RBFOX1: variants seen among roughly 807,000 people sequenced by gnomAD.
RBFOX1 encodes RNA binding fox-1 homolog 1.
In RBFOX1, 8 loss-of-function variants were observed where a neutral mutation model predicts 57.7. That is an observed-to-expected ratio of 0.14 (90% CI 0.08 to 0.25). RBFOX1 has a LOEUF of 0.25. Among genes scored for constraint, RBFOX1 ranks in the 10% least tolerant of loss-of-function variants. RBFOX1 has a pLI of 1.00. For synonymous variants in RBFOX1, 326 were observed against 222.4 expected (o/e 1.47, Z -4.15); for missense variants, 611 against 548.5 (o/e 1.11, Z -1.14).
chr16:7,287,543 G>C (rs910738180), intron 4 of RBFOX1, among the ~76,000 whole-genome samples: 1 of 152,220 alleles, frequency 6.6e-6, no homozygotes, highest in Non-Finnish European at 1.5e-5. Context: ...TAATAGGCAA[G>C]AAGTGTTTTC....
chr16:6,645,944 G>T (rs951119484), intron 2 of RBFOX1, among the ~76,000 whole-genome samples: 1 of 152,158 alleles, frequency 6.6e-6, no homozygotes, highest in East Asian at 1.9e-4. Context: ...AACCCTAGCA[G>T]TGTGATTCTG....
At chr16:7,196,712 G>A (rs1000842007) in intron 4 of RBFOX1, among the ~76,000 whole-genome samples, 2 of 152,174 alleles carry the variant, frequency 1.3e-5, no homozygotes, top group African/African-American at 4.8e-5. Flanking sequence ...CAGAGGGTCA[G>A]GAGTCATGCT....
intron 2 of RBFOX1, among the ~76,000 whole-genome samples, chr16:6,368,803 G>A (rs189863402): frequency 9.2e-5 from 14 of 152,314 alleles, no homozygotes; most frequent in Admixed American, 7.8e-4. Flanking sequence ...AATGTTGGTA[G>A]TAACATGGCT....
intron 1 of RBFOX1, among the ~76,000 whole-genome samples, chr16:6,132,165 A>G (rs1295081197): frequency 6.6e-6 from 1 of 152,166 alleles, no homozygotes; most frequent in Non-Finnish European, 1.5e-5. Flanking sequence ...CTTTTTCCCC[A>G]TGGGTGGTAT....
intron 2 of RBFOX1, among the ~76,000 whole-genome samples, chr16:6,323,851 C>T (rs1240334993): frequency 6.6e-6 from 1 of 152,048 alleles, no homozygotes; most frequent in Non-Finnish European, 1.5e-5. Flanking sequence ...CTGCTCACTG[C>T]AACCTACATC....
At chr16:5,702,104 A>G (rs1440722009) in intron 3 of RBFOX1, among the ~76,000 whole-genome samples, 1 of 152,138 alleles carries the variant, frequency 6.6e-6, no homozygotes, top group East Asian at 1.9e-4. Context: ...AGTCTTCTGT[A>G]TTTATCCCAT....
chr16:7,424,757 C>A (rs1568824448), intron 4 of RBFOX1, among the ~76,000 whole-genome samples: 1 of 152,136 alleles, frequency 6.6e-6, no homozygotes. Flanking sequence ...ATCCTAAAAG[C>A]AAGCAAACAA....
rs139587550 is a variant in RBFOX1, at chr16:6,914,257, C to T, written c.-15-137800C>T. On this transcript the variant is annotated intron_variant, in intron 3 of 15. Coordinates refer to ENST00000550418, the MANE Select transcript of RBFOX1 (RefSeq NM_018723.4). ...GGAATGTTTGCTGTGTATTGCAGTA[C>T]GAAAGCAAAAGAAAATAATCATTAT... Among the ~76,000 whole-genome samples the T allele has an allele frequency of 1.4e-4, 21 of 152,170 alleles. No homozygotes were observed. The South Asian group carries it at 2.7e-3, about 20-fold the overall frequency.
At chr16:6,682,790 A>T (rs775005241) in intron 3 of RBFOX1, among the ~76,000 whole-genome samples, 14 of 151,634 alleles carry the variant, frequency 9.2e-5, no homozygotes, top group Non-Finnish European at 1.9e-4. Context: ...AAATTTTCAC[A>T]GTTTATTTTC....
At chr16:7,138,598 A>G (rs896069664) in intron 4 of RBFOX1, among the ~76,000 whole-genome samples, 6 of 152,194 alleles carry the variant, frequency 3.9e-5, no homozygotes, top group African/African-American at 1.4e-4. Flanking sequence ...CATGGCCAGG[A>G]AATGTAACCC....
intron 3 of RBFOX1, among the ~76,000 whole-genome samples, chr16:5,666,790 C>G (rs570046656): frequency 6.6e-6 from 1 of 152,198 alleles, no homozygotes; most frequent in Non-Finnish European, 1.5e-5. Context: ...TATGTGAAGA[C>G]ATCAGGGTAG....
chr16:7,368,105 A>G (rs1179870893), intron 4 of RBFOX1, among the ~76,000 whole-genome samples: 1 of 152,064 alleles, frequency 6.6e-6, no homozygotes, highest in African/African-American at 2.4e-5. Context: ...CATCTTTACT[A>G]AAAATACTAA....
At chr16:6,363,556 C>T (rs985752453) in intron 2 of RBFOX1, among the ~76,000 whole-genome samples, 2 of 152,142 alleles carry the variant, frequency 1.3e-5, no homozygotes, top group Admixed American at 6.5e-5. Flanking sequence ...TAAATAGAGT[C>T]GAATTGAGGT....
chr16:6,325,557 C>G (rs1035635262), intron 2 of RBFOX1, among the ~76,000 whole-genome samples: 2 of 152,180 alleles, frequency 1.3e-5, no homozygotes, highest in African/African-American at 2.4e-5. Context: ...GCTGTCTCAG[C>G]TCAACCTGAG....
chr16:5,367,321 T>C (rs745728343), intron 1 of RBFOX1, among the ~76,000 whole-genome samples: 2 of 152,228 alleles, frequency 1.3e-5, no homozygotes, highest in Admixed American at 6.5e-5. Flanking sequence ...ACTCCTGACC[T>C]GCCCAGAACA....
intron 1 of RBFOX1, among the ~76,000 whole-genome samples, chr16:5,399,465 C>G (rs1240396098): frequency 1.3e-5 from 2 of 152,136 alleles, no homozygotes; most frequent in East Asian, 3.8e-4. Context: ...TTAATCACCC[C>G]ATTGGGAGAA....
chr16:6,391,293 A>C (rs933523743), intron 2 of RBFOX1, among the ~76,000 whole-genome samples: 3 of 152,162 alleles, frequency 2.0e-5, no homozygotes, highest in African/African-American at 7.2e-5. Context: ...GCCGATCACG[A>C]GGTCAGGAGA....
chr16:6,043,607 C>A (rs2095465244), intron 1 of RBFOX1, among the ~76,000 whole-genome samples: 1 of 152,128 alleles, frequency 6.6e-6, no homozygotes, highest in African/African-American at 2.4e-5. Flanking sequence ...TTGGCGATGG[C>A]CAGAAATTTC....
chr16:5,609,823 G>C (rs1314622517), intron 3 of RBFOX1, among the ~76,000 whole-genome samples: 1 of 151,292 alleles, frequency 6.6e-6, no homozygotes, highest in African/African-American at 2.4e-5. Context: ...TGTTCTAGGA[G>C]CTGCGGAGAG....
Sources: allele counts gnomAD v4.1 joint callset (sites outside exome capture counted in the v4.1 genomes callset), GRCh38; gene constraint gnomAD v4.1.1; transcripts MANE v1.5; gene names NCBI Gene and HGNC (gene_info 2026-07-23, HGNC 2026-07-21).